Variants in OPHN1 observed in about 807,000 individuals in gnomAD.
OPHN1 encodes oligophrenin 1.
Under a neutral mutation model 60.7 loss-of-function variants are expected in OPHN1, and 11 were observed. The observed-to-expected ratio is 0.18, with a 90% CI of 0.11 to 0.30. The LOEUF is 0.30. Ranked by LOEUF, OPHN1 falls within the 10% of genes least tolerant of loss-of-function variation. OPHN1 has a pLI of 1.00. For synonymous variants in OPHN1, 226 were observed against 222.6 expected (o/e 1.02, Z -0.14); for missense variants, 449 against 611.0 (o/e 0.73, Z 2.80).
intron 20 of OPHN1, chrX:68,070,498 G>A (rs749655753): frequency 8.1e-6 from 5 of 617,477 alleles, no homozygotes; most frequent in Non-Finnish European, 1.1e-5. Context: ...GCTGTGCACA[G>A]GAACTAAAAG....
chrX:68,138,072 A>T (rs989937776), intron 15 of OPHN1, among the ~76,000 whole-genome samples: 1 of 112,141 alleles, frequency 8.9e-6, no homozygotes, highest in African/African-American at 3.2e-5. Flanking sequence ...TCCCAAGGAC[A>T]GATCATATAA....
intron 6 of OPHN1, among the ~76,000 whole-genome samples, chrX:68,223,208 G>C (rs2077672154): frequency 8.9e-6 from 1 of 111,885 alleles, no homozygotes; most frequent in South Asian, 3.7e-4. Flanking sequence ...AGGAAAAGAA[G>C]TCATTACATC....
intron 19 of OPHN1, among the ~76,000 whole-genome samples, chrX:68,095,030 C>T (rs2077033160): frequency 2.7e-5 from 3 of 111,567 alleles, no homozygotes. Flanking sequence ...ATTGCAAAAC[C>T]ACTTTCCAAC....
chrX:68,168,105 G>A (rs973481179), intron 15 of OPHN1, among the ~76,000 whole-genome samples: 10 of 110,591 alleles, frequency 9.0e-5, no homozygotes, highest in African/African-American at 2.0e-4. Flanking sequence ...GAGACAGAAC[G>A]TTAACAAGGA....
chrX:68,117,846 A>G (rs1378400331), intron 16 of OPHN1, among the ~76,000 whole-genome samples: 1 of 111,624 alleles, frequency 9.0e-6, no homozygotes, highest in Non-Finnish European at 1.9e-5. Flanking sequence ...GCCCACTCGC[A>G]CTTTCAGGCT....
chrX:68,277,005 G>A (rs1877204890), intron 4 of OPHN1, among the ~76,000 whole-genome samples: 1 of 111,498 alleles, frequency 9.0e-6, no homozygotes, highest in South Asian at 3.8e-4. Context: ...GCCATCATTT[G>A]GAGCAGAAGA....
intron 21 of OPHN1, among the ~76,000 whole-genome samples, chrX:68,058,880 T>G (rs1211003196): frequency 8.9e-6 from 1 of 112,171 alleles, no homozygotes; most frequent in African/African-American, 3.2e-5. Context: ...GCAAAACAAC[T>G]GCTATCATTT....
intron 15 of OPHN1, among the ~76,000 whole-genome samples, chrX:68,125,722 A>G (rs2077167075): frequency 9.3e-6 from 1 of 107,143 alleles, no homozygotes; most frequent in African/African-American, 3.4e-5. Flanking sequence ...CTGGGACCCA[A>G]TAGCTTTACT....
chrX:68,320,915 T>C (rs1425289391), intron 2 of OPHN1, among the ~76,000 whole-genome samples: 1 of 111,559 alleles, frequency 9.0e-6, no homozygotes, highest in Non-Finnish European at 1.9e-5. Context: ...ATAAAAGATA[T>C]TACAAAGGAT....
intron 3 of OPHN1, among the ~76,000 whole-genome samples, chrX:68,287,130 AAAGG>A (rs1224781379): frequency 8.6e-5 from 8 of 93,345 alleles, no homozygotes; most frequent in East Asian, 6.6e-4. Flanking sequence ...AGAGAGAGAG[AAAGG>A]AAGGAAGGAA....
At chrX:68,295,745 G>A (rs2078091780) in intron 3 of OPHN1, among the ~76,000 whole-genome samples, 1 of 111,905 alleles carries the variant, frequency 8.9e-6, no homozygotes, top group African/African-American at 3.2e-5. Flanking sequence ...GTCAGGGGGA[G>A]GAACTCTTCA....
At position 68,126,701 on chromosome X, in the gene OPHN1, T is replaced by C. The variant is rs186582446; in HGVS notation, c.1277-7369A>G. 4.5e-5 allele frequency among the ~76,000 whole-genome samples: 5 copies of C among 111,944 alleles called. No homozygotes were observed. The East Asian group carries it at 1.4e-3, about 32-fold the overall frequency. On this transcript the variant is annotated intron_variant, in intron 15 of 24. Coordinates refer to ENST00000355520, the MANE Select transcript of OPHN1 (RefSeq NM_002547.3). ...CTCAAGGGATCCACCAGCCTTGGCC[T>C]CCCAAAGTGCTGGGATTACAGGCAT... is the stretch of plus-strand genomic sequence containing the variant.
chrX:68,353,464 T>C (rs1602348491), intron 2 of OPHN1, among the ~76,000 whole-genome samples: 1 of 104,335 alleles, frequency 9.6e-6, no homozygotes, highest in East Asian at 3.0e-4. Context: ...ATCCCAGCTA[T>C]TCAGGAGGCT....
chrX:68,249,613 A>T (rs1176233636), intron 5 of OPHN1, among the ~76,000 whole-genome samples: 1 of 111,754 alleles, frequency 8.9e-6, no homozygotes, highest in African/African-American at 3.3e-5. Context: ...ATAAAGTTGG[A>T]ATCACTTGGG....
At chrX:68,129,503 A>G (rs1473906556) in intron 15 of OPHN1, among the ~76,000 whole-genome samples, 1 of 112,091 alleles carries the variant, frequency 8.9e-6, no homozygotes, top group Non-Finnish European at 1.9e-5. Flanking sequence ...TACTGTCTAA[A>G]TATTGCTAAG....
At chrX:68,143,451 C>G (rs1052271520) in intron 15 of OPHN1, among the ~76,000 whole-genome samples, 1 of 110,969 alleles carries the variant, frequency 9.0e-6, no homozygotes, top group Non-Finnish European at 1.9e-5. Flanking sequence ...ATTTCTTCAT[C>G]TTTGGGAAAC....
At chrX:68,092,258 T>C (rs1222892734) in intron 19 of OPHN1, among the ~76,000 whole-genome samples, 1 of 111,773 alleles carries the variant, frequency 8.9e-6, no homozygotes, top group Non-Finnish European at 1.9e-5. Context: ...CAGGAACATA[T>C]AATCCCTATG....
intron 10 of OPHN1, 140 bp from the exon 11 acceptor site, chrX:68,201,850 T>C: frequency 1.9e-6 from 1 of 519,405 alleles, no homozygotes; most frequent in East Asian, 3.4e-5. Context: ...CTGAGAATCT[T>C]GTCCCTTCAA....
intron 6 of OPHN1, among the ~76,000 whole-genome samples, chrX:68,230,590 AATG>A (rs1013099809): frequency 1.8e-5 from 2 of 110,358 alleles, no homozygotes; most frequent in East Asian, 5.8e-4. Context: ...AGCTATAAAA[AATG>A]ATGAGTTCAT....
Sources: allele counts gnomAD v4.1 joint callset (sites outside exome capture counted in the v4.1 genomes callset), GRCh38; gene constraint gnomAD v4.1.1; transcripts MANE v1.5; gene names NCBI Gene and HGNC (gene_info 2026-07-23, HGNC 2026-07-21).